M1AP: variants seen among roughly 807,000 people sequenced by gnomAD.
M1AP encodes the protein meiosis 1 associated protein, also known as meiosis 1 arrest protein.
Under a neutral mutation model 51.2 loss-of-function variants are expected in M1AP, and 39 were observed. That is an observed-to-expected ratio of 0.76 (90% confidence interval 0.59 to 1.00). The LOEUF is 1.00. Ranked by LOEUF, M1AP falls within the 50% of genes least tolerant of loss-of-function variation. M1AP has a pLI of 0.00. For missense variants in M1AP, 545 were observed against 641.2 expected (o/e 0.85, Z 1.62); for synonymous variants, 251 against 249.2 (o/e 1.01, Z -0.07).
At chr2:74,645,358 C>T (rs1683544319) in intron 1 of M1AP, among the ~76,000 whole-genome samples, 1 of 152,168 alleles carries the variant, frequency 6.6e-6, no homozygotes, top group African/African-American at 2.4e-5. Flanking sequence ...TCAGCAAGAC[C>T]AAGAACCCAC....
chr2:74,572,897 G>A (rs1201485945), intron 7 of M1AP, among the ~76,000 whole-genome samples: 5 of 152,196 alleles, frequency 3.3e-5, no homozygotes, highest in Non-Finnish European at 7.3e-5. Context: ...CTCTACAACA[G>A]TGCTTGGCAT....
At chr2:74,647,363 C>T in intron 1 of M1AP, 28 of 985,366 alleles carry the variant, frequency 2.8e-5, no homozygotes, top group Non-Finnish European at 3.4e-5. Flanking sequence ...TTTACAAGCC[C>T]TCATTCACTT....
intron 4 of M1AP, among the ~76,000 whole-genome samples, chr2:74,601,557 A>C (rs1680680662): frequency 6.6e-6 from 1 of 152,164 alleles, no homozygotes; most frequent in South Asian, 2.1e-4. Context: ...ATGCATAATA[A>C]AAAATTTTAA....
At chr2:74,580,726 C>G (rs1027011422) in intron 5 of M1AP, among the ~76,000 whole-genome samples, 16 of 152,212 alleles carry the variant, frequency 1.1e-4, no homozygotes, top group Non-Finnish European at 2.9e-5. Flanking sequence ...CGTGTCAAAA[C>G]TTATGAGAAG....
intron 4 of M1AP, among the ~76,000 whole-genome samples, chr2:74,590,429 T>C (rs1439888691): frequency 6.9e-6 from 1 of 145,358 alleles, no homozygotes; most frequent in Admixed American, 7.0e-5. Flanking sequence ...ATTTCAAAGA[T>C]GAATTTTAGG....
At chr2:74,631,900 G>A (rs191837609) in intron 2 of M1AP, among the ~76,000 whole-genome samples, 1 of 152,200 alleles carries the variant, frequency 6.6e-6, no homozygotes, top group African/African-American at 2.4e-5. Context: ...TTTCCCACAT[G>A]GTATCTTTCT....
At chr2:74,635,473 T>G (rs1421045432) in intron 2 of M1AP, among the ~76,000 whole-genome samples, 1 of 152,208 alleles carries the variant, frequency 6.6e-6, no homozygotes. Flanking sequence ...GTTTCCAATT[T>G]CACTTATTTT....
intron 4 of M1AP, among the ~76,000 whole-genome samples, chr2:74,584,087 G>GAT (rs1314914856): frequency 6.6e-6 from 1 of 152,060 alleles, no homozygotes; most frequent in Non-Finnish European, 1.5e-5. Context: ...GTACTACTGT[G>GAT]ATATATATAA....
In M1AP at chr2:74,640,347, A is replaced by G; in HGVS notation, c.-52-20T>C. The G allele has an allele frequency of 6.4e-7, 1 of 1,559,548 alleles. No homozygotes were observed. Among genetic ancestry groups the G allele is most frequent in the Non-Finnish European group, 8.7e-7 (1 of 1,155,582 alleles). ...TTACACCTATAGGGAAGGAAAGAGAAACCACTGGTTTTCAAACTGAATTAT... is the reference window on the plus strand; with the variant it reads ...TTACACCTATAGGGAAGGAAAGAGAGACCACTGGTTTTCAAACTGAATTAT... On this transcript the variant is annotated intron_variant, in intron 1 of 10. Coordinates refer to ENST00000421985, the MANE Select transcript of M1AP (RefSeq NM_001321739.2).
At chr2:74,630,435 A>G (rs962929006) in intron 2 of M1AP, among the ~76,000 whole-genome samples, 5 of 152,104 alleles carry the variant, frequency 3.3e-5, no homozygotes, top group Non-Finnish European at 1.5e-5. Context: ...CCCATCACCT[A>G]GGTATTAAGC....
intron 5 of M1AP, among the ~76,000 whole-genome samples, chr2:74,577,412 C>T (rs1410927420): frequency 3.9e-5 from 6 of 152,182 alleles, no homozygotes; most frequent in Non-Finnish European, 5.9e-5. Context: ...CTTGATATTA[C>T]AAAGTTCTTC....
At chr2:74,602,649 A>C (rs1298813555) in intron 4 of M1AP, among the ~76,000 whole-genome samples, 3 of 152,224 alleles carry the variant, frequency 2.0e-5, no homozygotes, top group Non-Finnish European at 4.4e-5. Flanking sequence ...CTTGATAACA[A>C]CACCAAGATG....
At chr2:74,574,730 A>C (rs1423758980) in intron 7 of M1AP, among the ~76,000 whole-genome samples, 1 of 151,308 alleles carries the variant, frequency 6.6e-6, no homozygotes. Context: ...ACCTTTTGTC[A>C]CTCTCTCCCT....
intron 1 of M1AP, among the ~76,000 whole-genome samples, chr2:74,643,544 G>A (rs1683431081): frequency 6.6e-6 from 1 of 150,878 alleles, no homozygotes; most frequent in Non-Finnish European, 1.5e-5. Flanking sequence ...AAGGCATTAT[G>A]ATGAGAAGAG....
chr2:74,627,917 GA>G (rs1255738927), intron 2 of M1AP, among the ~76,000 whole-genome samples: 1 of 152,030 alleles, frequency 6.6e-6, no homozygotes, highest in Non-Finnish European at 1.5e-5. Flanking sequence ...ATACTCTACA[GA>G]AATAATATAT....
At chr2:74,606,331 A>G (rs112687934) in intron 4 of M1AP, among the ~76,000 whole-genome samples, 1 of 152,258 alleles carries the variant, frequency 6.6e-6, no homozygotes, top group Admixed American at 6.5e-5. Flanking sequence ...TCATTAGCCC[A>G]TGAAGCCAGC....
chr2:74,571,937 G>C (rs973812651), intron 7 of M1AP, among the ~76,000 whole-genome samples: 5 of 150,660 alleles, frequency 3.3e-5, no homozygotes, highest in Non-Finnish European at 7.4e-5. Context: ...TGGAGGTTGT[G>C]ATGAGCCAAG....
At position 74,562,437 on chromosome 2, in the gene M1AP, A is replaced by T. The variant is rs773723427; in HGVS notation, c.1075-14T>A. On this transcript the variant is annotated splice_polypyrimidine_tract_variant and intron_variant, in intron 7 of 10. Coordinates refer to ENST00000421985, the MANE Select transcript of M1AP (RefSeq NM_001321739.2). ...CCATTCCCTTTTCTGAAACAAGGAC[A>T]TACAGAAATACTGGTTCATCTTTAG... is the stretch of plus-strand genomic sequence containing the variant. The T allele has an allele frequency of 1.2e-6, 2 of 1,613,802 alleles. No homozygotes were observed. Among genetic ancestry groups the T allele is most frequent in the Non-Finnish European group, 1.7e-6 (2 of 1,179,838 alleles).
intron 2 of M1AP, chr2:74,621,118 T>TA (rs1237884159): frequency 1.7e-3 from 230 of 134,350 alleles, no homozygotes; most frequent in Admixed American, 2.2e-3. Context: ...CTACTAAAAA[T>TA]AAAAAAAAAA....
Sources: gnomAD v4.1 joint callset for allele counts (sites outside exome capture counted in the v4.1 genomes callset) on GRCh38, gnomAD v4.1.1 for gene constraint, MANE v1.5 for transcripts, NCBI Gene and HGNC (gene_info 2026-07-23, HGNC 2026-07-21) for gene names.